Variants in CNBD1 observed in about 807,000 individuals in gnomAD.
CNBD1 encodes the protein cyclic nucleotide-binding domain-containing protein 1.
A neutral mutation model predicts 54.4 loss-of-function variants in CNBD1; 71 were observed. That is an observed-to-expected ratio of 1.30 (90% CI 1.08 to 1.59). CNBD1 has a LOEUF of 1.59. Among genes scored for constraint, CNBD1 ranks in the 40% most tolerant of loss-of-function variants. The probability of loss-of-function intolerance (pLI) is 0.00; values close to 1 mark genes in which losing one functional copy is unlikely to be tolerated. For missense variants in CNBD1, 659 were observed against 518.0 expected, an observed-to-expected ratio of 1.27 and a Z score of -2.64; for synonymous variants, 182 against 170.7, an observed-to-expected ratio of 1.07 and a Z score of -0.51.
intron 4 of CNBD1, among the ~76,000 whole-genome samples, chr8:87,173,849 A>G (rs917700807): frequency 6.6e-6 from 1 of 151,746 alleles, no homozygotes; most frequent in Non-Finnish European, 1.5e-5. Flanking sequence ...TAAGCTTTCT[A>G]TCATTATCTC....
chr8:86,892,747 G>A (rs1050479768), intron 2 of CNBD1, among the ~76,000 whole-genome samples: 1 of 151,970 alleles, frequency 6.6e-6, no homozygotes, highest in Non-Finnish European at 1.5e-5. Flanking sequence ...CAGTATATTC[G>A]TTATTAATTT....
chr8:87,014,166 A>G (rs1166397477), intron 4 of CNBD1, among the ~76,000 whole-genome samples: 3 of 152,046 alleles, frequency 2.0e-5, no homozygotes, highest in African/African-American at 4.8e-5. Flanking sequence ...CCAGAAGAGT[A>G]GTCAAATGTT....
chr8:86,937,857 A>T (rs1809578121), intron 3 of CNBD1, among the ~76,000 whole-genome samples: 1 of 152,188 alleles, frequency 6.6e-6, no homozygotes, highest in African/African-American at 2.4e-5. Flanking sequence ...TTACTTATGC[A>T]AATTTCTGCA....
intron 8 of CNBD1, among the ~76,000 whole-genome samples, chr8:87,349,176 G>A (rs1810232419): frequency 6.6e-6 from 1 of 151,894 alleles, no homozygotes; most frequent in African/African-American, 2.4e-5. Context: ...TATGTTATTT[G>A]TCATTTTCTA....
At chr8:87,065,053 C>T (rs1002222267) in intron 4 of CNBD1, among the ~76,000 whole-genome samples, 40 of 151,974 alleles carry the variant, frequency 2.6e-4, no homozygotes, top group Admixed American at 7.2e-4. Flanking sequence ...TATGTTTATT[C>T]TGTTGTTGCT....
intron 2 of CNBD1, among the ~76,000 whole-genome samples, chr8:87,420,662 C>T (rs569192458): frequency 3.3e-5 from 5 of 152,110 alleles, no homozygotes; most frequent in South Asian, 4.1e-4. Context: ...TGCTATTATG[C>T]TTTTGCTATT....
chr8:87,411,686 A>C (rs765442031), intron 2 of CNBD1, among the ~76,000 whole-genome samples: 36 of 150,552 alleles, frequency 2.4e-4, no homozygotes, highest in Non-Finnish European at 3.8e-4. Context: ...CATTACTATA[A>C]TAATTGTATT....
At chr8:87,230,210 C>A (rs1814646357) in intron 5 of CNBD1, among the ~76,000 whole-genome samples, 1 of 152,092 alleles carries the variant, frequency 6.6e-6, no homozygotes. Context: ...GGTGCTAAAC[C>A]ATTCATGAAT....
chr8:87,383,838 A>G (rs1811135944), downstream of CNBD1, among the ~76,000 whole-genome samples: 1 of 152,142 alleles, frequency 6.6e-6, no homozygotes, highest in African/African-American at 2.4e-5. Context: ...CATGCTCCAA[A>G]TCATGTAGAG....
At chr8:87,204,572 A>G (rs926096431) in intron 4 of CNBD1, among the ~76,000 whole-genome samples, 28 of 152,126 alleles carry the variant, frequency 1.8e-4, no homozygotes, top group African/African-American at 6.8e-4. Flanking sequence ...AGTTAATAAT[A>G]CATTGCTACA....
At chr8:87,285,074 AATTT>A (rs1186828409) in intron 7 of CNBD1, among the ~76,000 whole-genome samples, 4 of 151,874 alleles carry the variant, frequency 2.6e-5, no homozygotes, top group African/African-American at 7.2e-5. Flanking sequence ...TAAACTCATT[AATTT>A]ATTCATTCAT....
At chr8:87,162,014 CTT>C (rs1373282966) in intron 4 of CNBD1, among the ~76,000 whole-genome samples, 2 of 152,032 alleles carry the variant, frequency 1.3e-5, no homozygotes, top group Non-Finnish European at 2.9e-5. Context: ...CAATTTCAAA[CTT>C]ACGTCTTGGT....
At chr8:87,285,370 T>C (rs1808673452) in intron 7 of CNBD1, among the ~76,000 whole-genome samples, 3 of 152,198 alleles carry the variant, frequency 2.0e-5, no homozygotes, top group African/African-American at 7.2e-5. Flanking sequence ...TAATTTATTC[T>C]CTTCTAATCA....
At chr8:87,154,068 A>G (rs1812663021) in intron 4 of CNBD1, among the ~76,000 whole-genome samples, 1 of 152,152 alleles carries the variant, frequency 6.6e-6, no homozygotes, top group Non-Finnish European at 1.5e-5. Flanking sequence ...CTGTTAAATT[A>G]CAACTGACAC....
intron 4 of CNBD1, among the ~76,000 whole-genome samples, chr8:87,080,415 C>G (rs1194978524): frequency 6.6e-6 from 1 of 151,962 alleles, no homozygotes. Context: ...AACCCCGTCT[C>G]TACTAATAAC....
chr8:86,964,436 A>C (rs983316830), intron 4 of CNBD1, among the ~76,000 whole-genome samples: 1 of 152,230 alleles, frequency 6.6e-6, no homozygotes, highest in Non-Finnish European at 1.5e-5. Context: ...TGCCACTTGC[A>C]GGGTGGCCTG....
At chr8:87,061,949 T>C (rs1220704559) in intron 4 of CNBD1, among the ~76,000 whole-genome samples, 1 of 152,196 alleles carries the variant, frequency 6.6e-6, no homozygotes, top group African/African-American at 2.4e-5. Flanking sequence ...TCAATGCTTT[T>C]CAGGATCTCT....
At chr8:87,374,356 A>T (rs1266121614) in intron 10 of CNBD1, among the ~76,000 whole-genome samples, 1 of 151,886 alleles carries the variant, frequency 6.6e-6, no homozygotes, top group East Asian at 1.9e-4. Context: ...TGTGTTTCCT[A>T]AGAAATTTGA....
chr8:87,395,595 A>G (rs557155573), intron 2 of CNBD1, among the ~76,000 whole-genome samples: 1 of 152,008 alleles, frequency 6.6e-6, no homozygotes, highest in East Asian at 1.9e-4. Flanking sequence ...CTCTTCTGAG[A>G]ATATTATGAA....
Sources: allele counts gnomAD v4.1 joint callset (sites outside exome capture counted in the v4.1 genomes callset), GRCh38; gene constraint gnomAD v4.1.1; transcripts MANE v1.5; gene names NCBI Gene and HGNC (gene_info 2026-07-23, HGNC 2026-07-21).